AGR3: variants seen among roughly 807,000 people sequenced by gnomAD.
AGR3 encodes the protein anterior gradient 3, protein disulphide isomerase family member, also known as anterior gradient protein 3.
Under a neutral mutation model 24.5 loss-of-function variants are expected in AGR3, and 37 were observed. That is an observed-to-expected ratio of 1.51 (90% CI 1.16 to 1.99). The LOEUF is 1.99. Ranked by LOEUF, AGR3 falls within the 30% of genes most tolerant of loss-of-function variation. AGR3 has a pLI of 0.00. For missense variants in AGR3, 228 were observed against 191.1 expected, an observed-to-expected ratio of 1.19 and a Z score of -1.14; for synonymous variants, 75 against 61.6, an observed-to-expected ratio of 1.22 and a Z score of -1.02.
downstream of AGR3, among the ~76,000 whole-genome samples, chr7:16,859,050 T>C (rs1395974639): frequency 2.0e-5 from 3 of 152,130 alleles, no homozygotes; most frequent in South Asian, 2.1e-4. Context: ...AGATCATTTA[T>C]GACCTGGGTT....
At chr7:16,867,356 G>T (rs909421192) in intron 3 of AGR3, among the ~76,000 whole-genome samples, 1 of 151,978 alleles carries the variant, frequency 6.6e-6, no homozygotes, top group African/African-American at 2.4e-5. Flanking sequence ...TATGGAGTTT[G>T]TCAACTACCT....
chr7:16,875,061 G>A (rs1354767985), intron 2 of AGR3, among the ~76,000 whole-genome samples: 3 of 150,880 alleles, frequency 2.0e-5, no homozygotes, highest in African/African-American at 7.4e-5. Flanking sequence ...GTTGCAGTGA[G>A]CCAAGATTGC....
At chr7:16,862,842 T>C (rs972381771) in intron 3 of AGR3, among the ~76,000 whole-genome samples, 180 bp from the exon 4 acceptor site, 7 of 152,200 alleles carry the variant, frequency 4.6e-5, no homozygotes, top group African/African-American at 1.7e-4. Flanking sequence ...GAACTGATAG[T>C]ATCAGTATCA....
intron 2 of AGR3, among the ~76,000 whole-genome samples, chr7:16,874,048 A>G (rs1781938031): frequency 6.6e-6 from 1 of 152,206 alleles, no homozygotes; most frequent in African/African-American, 2.4e-5. Flanking sequence ...TTGCTACTGC[A>G]TTTCAAACCT....
chr7:16,859,009 A>G (rs1223276348), downstream of AGR3, among the ~76,000 whole-genome samples: 1 of 152,264 alleles, frequency 6.6e-6, no homozygotes, highest in Non-Finnish European at 1.5e-5. Context: ...ACAAGTGGAC[A>G]GAGATTTATC....
At chr7:16,860,470 C>A in intron 7 of AGR3, 30 bp downstream of exon 7, 1 of 1,532,042 alleles carries the variant, frequency 6.5e-7, no homozygotes, top group South Asian at 1.1e-5. Context: ...CAGCTATGAC[C>A]ACTGTTTGAG....
downstream of AGR3, among the ~76,000 whole-genome samples, chr7:16,857,424 T>A (rs1166074930): frequency 6.6e-6 from 1 of 152,208 alleles, no homozygotes; most frequent in Non-Finnish European, 1.5e-5. Context: ...TCAATGTTAT[T>A]TATTAATTCT....
chr7:16,873,081 C>A (rs145150922), intron 3 of AGR3, among the ~76,000 whole-genome samples: 1 of 152,088 alleles, frequency 6.6e-6, no homozygotes, highest in African/African-American at 2.4e-5. Context: ...CCATATGATC[C>A]AGCTTTCCTA....
At chr7:16,870,322 G>A (rs150214527) in intron 3 of AGR3, among the ~76,000 whole-genome samples, 154 of 151,832 alleles carry the variant, frequency 1.0e-3, no homozygotes, top group Non-Finnish European at 1.8e-3. Context: ...AGTTTTTCAC[G>A]TATATAAATT....
At chr7:16,864,162 T>C in intron 3 of AGR3, 2 of 650,248 alleles carry the variant, frequency 3.1e-6, no homozygotes, top group Non-Finnish European at 4.9e-6. Flanking sequence ...ATTAACAAAC[T>C]GTTGTGTAAT....
At position 16,872,211 on chromosome 7, in the gene AGR3, G is replaced by A. The variant is rs1781878883; in HGVS notation, c.173+1569C>T. Reference sequence around the variant, plus strand: ...ATACTACTTGACTTCAAAATATACTGCAAAGCTATAGTAAACAAAACAGCA... The same window carrying A: ...ATACTACTTGACTTCAAAATATACTACAAAGCTATAGTAAACAAAACAGCA... On this transcript the variant is annotated intron_variant, in intron 3 of 7. Coordinates refer to ENST00000310398, the MANE Select transcript of AGR3 (RefSeq NM_176813.5). 1.3e-5 allele frequency among the ~76,000 whole-genome samples: 2 copies of A among 152,036 alleles called. 1 individual carries two copies. Among genetic ancestry groups the A allele is most frequent in the South Asian group, 4.2e-4 (2 of 4,818 alleles).
At chr7:16,864,967 A>G in intron 3 of AGR3, 1 of 986,110 alleles carries the variant, frequency 1.0e-6, no homozygotes, top group Non-Finnish European at 1.6e-6. Context: ...TAAATTAAAT[A>G]AGTCTCCTGG....
At chr7:16,880,656 A>G (rs543387306) in intron 1 of AGR3, among the ~76,000 whole-genome samples, 1 of 151,224 alleles carries the variant, frequency 6.6e-6, no homozygotes, top group African/African-American at 2.4e-5. Flanking sequence ...ACGGTGCCTG[A>G]TAAGAATTTC....
chr7:16,861,341 C>G, intron 6 of AGR3, 43 bp downstream of exon 6: 11 of 1,430,738 alleles, frequency 7.7e-6, no homozygotes, highest in Non-Finnish European at 1.0e-5. Context: ...ATGCTGATTT[C>G]TACTAATTTT....
At chr7:16,865,669 T>A in intron 3 of AGR3, 1 of 803,216 alleles carries the variant, frequency 1.2e-6, no homozygotes, top group Non-Finnish European at 2.2e-6. Flanking sequence ...TCAGATGATC[T>A]CCAAGCATTT....
At chr7:16,878,116 AT>A (rs34203592) in intron 2 of AGR3, among the ~76,000 whole-genome samples, 4,408 of 146,256 alleles carry the variant, frequency 0.03, 219 homozygotes, top group African/African-American at 0.1. Flanking sequence ...AATTATTCCA[AT>A]TTTTTTTTTT....
chr7:16,877,978 T>G (rs1314833064), intron 2 of AGR3, among the ~76,000 whole-genome samples: 1 of 152,112 alleles, frequency 6.6e-6, no homozygotes. Flanking sequence ...TTTCTAAACA[T>G]GTAGCCACCG....
At chr7:16,873,719 G>A in intron 3 of AGR3, 61 bp downstream of exon 3, 1 of 1,263,660 alleles carries the variant, frequency 7.9e-7, no homozygotes. Context: ...CCATAAATAT[G>A]TACAATTATT....
chr7:16,861,075 A>C (rs1781632640), intron 6 of AGR3, among the ~76,000 whole-genome samples: 1 of 152,194 alleles, frequency 6.6e-6, no homozygotes, highest in African/African-American at 2.4e-5. Context: ...CATACATGTC[A>C]GTTCATGAAT....
Sources: gnomAD v4.1 joint callset for allele counts (sites outside exome capture counted in the v4.1 genomes callset) on GRCh38, gnomAD v4.1.1 for gene constraint, MANE v1.5 for transcripts, NCBI Gene and HGNC (gene_info 2026-07-23, HGNC 2026-07-21) for gene names.